USP28: variants seen among roughly 807,000 people sequenced by gnomAD.
The protein encoded by USP28 is ubiquitin specific peptidase 28.
In USP28, 113 loss-of-function variants were observed where a neutral mutation model predicts 145.0. The observed-to-expected ratio is 0.78, with a 90% confidence interval of 0.67 to 0.91. The LOEUF (loss-of-function observed/expected upper bound fraction) is 0.91, where lower values mean the gene tolerates loss of function less well. USP28 is among the 40% of genes least tolerant of loss of function. USP28 has a pLI of 0.00. For synonymous variants in USP28, 447 were observed against 450.9 expected, an observed-to-expected ratio of 0.99 and a Z score of 0.11; for missense variants, 1,201 against 1,289.6, an observed-to-expected ratio of 0.93 and a Z score of 1.05.
chr11:113,815,110 A>C, intron 14 of USP28, 64 bp downstream of exon 14: 1 of 1,453,596 alleles, frequency 6.9e-7, no homozygotes, highest in Non-Finnish European at 9.6e-7. Context: ...CGAGGTGCTT[A>C]ACCTCCAAAT....
chr11:113,854,391 T>C (rs1946813530), intron 1 of USP28, 56 bp from the exon 2 acceptor site: 1 of 1,519,420 alleles, frequency 6.6e-7, no homozygotes, highest in East Asian at 2.3e-5. Flanking sequence ...TAAACCTGGG[T>C]ACATTTAAAG....
At chr11:113,809,995 A>G (rs1260120642) in intron 16 of USP28, among the ~76,000 whole-genome samples, 1 of 144,228 alleles carries the variant, frequency 6.9e-6, no homozygotes, top group African/African-American at 2.6e-5. Context: ...AGGTTGCGCC[A>G]CTGCGCTCCA....
chr11:113,872,035 C>T (rs1262435338), intron 1 of USP28, among the ~76,000 whole-genome samples: 2 of 152,170 alleles, frequency 1.3e-5, no homozygotes, highest in Non-Finnish European at 2.9e-5. Context: ...TGTGTAAGTA[C>T]TGAGAGAATG....
intron 7 of USP28, among the ~76,000 whole-genome samples, chr11:113,832,534 TCTA>T (rs1265314291): frequency 6.6e-6 from 1 of 152,184 alleles, no homozygotes; most frequent in African/African-American, 2.4e-5. Context: ...AAGCTGGAAC[TCTA>T]CTACTTCCAG....
At position 113,866,864 on chromosome 11, in the gene USP28, C is replaced by T. The variant is rs1211522567; in HGVS notation, c.57+8581G>A. Reference sequence around the variant, plus strand: ...TATGAAAATTCATAACAGAACTATTCATAATAACCAAAAGGTGTAAATAAC... The same window carrying T: ...TATGAAAATTCATAACAGAACTATTTATAATAACCAAAAGGTGTAAATAAC... On this transcript the variant is annotated intron_variant, in intron 1 of 24. Coordinates refer to ENST00000003302, the Ensembl canonical transcript of USP28. Among the ~76,000 whole-genome samples the T allele has an allele frequency of 2.0e-5, 3 of 152,272 alleles. No homozygotes were observed. In the East Asian group the frequency reaches 5.8e-4, roughly 29 times the overall value.
chr11:113,874,188 A>G (rs1249227267), intron 1 of USP28, among the ~76,000 whole-genome samples: 1 of 148,466 alleles, frequency 6.7e-6, no homozygotes, highest in East Asian at 2.0e-4. Context: ...GCGGTGGCTC[A>G]CGCCTGTAAT....
rs111325377 is a variant in USP28 at position 113,824,383 on chromosome 11, T to G, written c.1188-683A>C. ...CCCAGGCTGGAGTGCAACGGCGCAA[T>G]CTCGGCTCACTGTGACCTCCGCCTC... On this transcript the variant is annotated intron_variant, in intron 11 of 24. Transcript: ENST00000003302. Among the ~76,000 whole-genome samples, 1,207 of 152,104 alleles carry G rather than the reference T, an allele frequency of 7.9e-3. 19 individuals are homozygous for G. Among genetic ancestry groups the G allele is most frequent in the African/African-American group, 0.028 (1,167 of 41,538 alleles).
In USP28 at chr11:113,803,281, C is replaced by T. The variant is rs1057417955; in HGVS notation, c.2739G>A (p.Lys913=). The change falls in exon 23 of 25, where the codon AAG becomes AAA. Residue 913 remains lysine, a splice_region_variant and synonymous_variant. Coordinates refer to ENST00000003302, the Ensembl canonical transcript of USP28. ...CCAGGTAGGAAAGTGCCTCTTGGTACCTTAGAAAAATGGGAGATAAACAAC... is the reference window on the plus strand; with the variant it reads ...CCAGGTAGGAAAGTGCCTCTTGGTATCTTAGAAAAATGGGAGATAAACAAC... 2.5e-6 allele frequency: 4 copies of T among 1,605,166 alleles called. No individual in the cohort carries two copies. In the Admixed American group the frequency reaches 5.2e-5, roughly 21 times the overall value.
At chr11:113,859,421 T>C (rs947235129) in intron 1 of USP28, 2 of 151,980 alleles carry the variant, frequency 1.3e-5, no homozygotes, top group Admixed American at 1.3e-4. Context: ...AAGAATAACA[T>C]GCAAATTCAT....
chr11:113,840,972 T>C (rs1945135368), intron 4 of USP28, among the ~76,000 whole-genome samples: 1 of 152,204 alleles, frequency 6.6e-6, no homozygotes, highest in Non-Finnish European at 1.5e-5. Flanking sequence ...CAGACATTAT[T>C]ACTAATAAGG....
intron 3 of USP28, among the ~76,000 whole-genome samples, chr11:113,846,626 G>A (rs79070991): frequency 0.01 from 1,548 of 152,236 alleles, 34 homozygotes; most frequent in African/African-American, 0.036. Flanking sequence ...TTTAAAAATC[G>A]AATATTTGAG....
At chr11:113,843,680 A>ACT (rs1945476756) in intron 3 of USP28, among the ~76,000 whole-genome samples, 1 of 151,404 alleles carries the variant, frequency 6.6e-6, no homozygotes, top group African/African-American at 2.4e-5. Context: ...TCAAAAAAAA[A>ACT]AAAAAAAAAA....
At chr11:113,831,067 A>C (rs1943931089) in intron 8 of USP28, 124 bp from the exon 9 acceptor site, 1 of 870,008 alleles carries the variant, frequency 1.1e-6, no homozygotes, top group South Asian at 1.5e-5. Context: ...GCCAGGTATG[A>C]TCTAAATAAG....
chr11:113,832,148 C>T (rs774676931), intron 7 of USP28, among the ~76,000 whole-genome samples, 155 bp from the exon 8 acceptor site: 2 of 152,062 alleles, frequency 1.3e-5, no homozygotes, highest in Non-Finnish European at 2.9e-5. Context: ...CTCACTCTGT[C>T]GCCCAGACTG....
chr11:113,813,585 C>T (rs1437147057), intron 15 of USP28, among the ~76,000 whole-genome samples: 4 of 152,212 alleles, frequency 2.6e-5, no homozygotes, highest in Non-Finnish European at 5.9e-5. Context: ...CACTGCACTA[C>T]TTAAAGTACC....
intron 16 of USP28, 30 bp downstream of exon 16, chr11:113,812,246 A>G (rs772608858): frequency 1.9e-6 from 3 of 1,585,038 alleles, no homozygotes; most frequent in Non-Finnish European, 1.7e-6. Flanking sequence ...GATTTTCCCC[A>G]ATCTATAGAT....
exon 18 of USP28, chr11:113,808,413 C>T (rs777368660): frequency 6.2e-7 from 1 of 1,613,982 alleles, no homozygotes; most frequent in Non-Finnish European, 8.5e-7. Flanking sequence ...GCAGCGAACC[C>T]CATGAGAAGA....
chr11:113,864,375 AG>A (rs1368654099), intron 1 of USP28, among the ~76,000 whole-genome samples: 9 of 152,234 alleles, frequency 5.9e-5, no homozygotes, highest in Non-Finnish European at 1.3e-4. Flanking sequence ...TAAATATAAG[AG>A]GTGAAATTTA....
exon 5 of USP28, chr11:113,840,648 C>T: frequency 6.2e-7 from 1 of 1,614,208 alleles, no homozygotes; most frequent in Non-Finnish European, 8.5e-7. Flanking sequence ...TTCAGCCCAA[C>T]TGGCCAACCA....
Sources: gnomAD v4.1 joint callset for allele counts (sites outside exome capture counted in the v4.1 genomes callset) on GRCh38, gnomAD v4.1.1 for gene constraint, MANE v1.5 for transcripts, NCBI Gene and HGNC (gene_info 2026-07-23, HGNC 2026-07-21) for gene names.